Variants in TTN observed in about 807,000 individuals in gnomAD.
TTN encodes the protein connectin.
In TTN, 1,525 loss-of-function variants were observed where a neutral mutation model predicts 3,223.0. That is an observed-to-expected ratio of 0.47 (90% CI 0.45 to 0.49). TTN has a LOEUF of 0.49. Ranked by LOEUF, TTN falls within the 20% of genes least tolerant of loss-of-function variation. TTN has a pLI of 0.00. For synonymous variants in TTN, 14,094 were observed against 15,161.0 expected (o/e 0.93, Z 5.17); for missense variants, 40,786 against 43,424.0 (o/e 0.94, Z 5.40).
chr2:178,689,746 A>G (rs1188650482), intron 122 of TTN, 67 bp downstream of exon 122: 20 of 1,505,808 alleles, frequency 1.3e-5, no homozygotes, highest in Non-Finnish European at 1.6e-5. Context: ...CAATGAACAG[A>G]TAATTAAACA....
chr2:178,535,261 T>C lies in TTN; in HGVS notation c.101354A>G (p.Asp33785Gly), dbSNP rs573767187. The C allele has an allele frequency of 8.7e-6, 14 of 1,613,934 alleles. No homozygotes were observed. The highest frequency in any genetic ancestry group is 1.3e-5 in the African/African-American group (1 of 75,056). Residue 33785 changes from aspartate to glycine, a missense_variant, in exon 358 of 363, where the codon GAT (aspartate) becomes GGT (glycine). Transcript: ENST00000589042. Reference sequence around the variant, plus strand: ...ATCATAGTTCATAGCTCTGGTCTTATCTTCTTTGGTTATGGTTGGTTCTGA... The same window carrying C: ...ATCATAGTTCATAGCTCTGGTCTTACCTTCTTTGGTTATGGTTGGTTCTGA... ...EPSEPTITKE[D>G]KTRAMNYDEE...
In TTN at chr2:178,629,429, G is replaced by T; in HGVS notation, c.44296C>A (p.Leu14766Ile). The change falls in exon 240 of 363, where the codon CTT becomes ATT. Residue 14766 changes from leucine to isoleucine, a missense_variant. By Grantham distance (5) the Leu-to-Ile change is conservative (BLOSUM62 2). Coordinates refer to ENST00000589042, the MANE Select transcript of TTN (RefSeq NM_001267550.2). ...HLRVKPRVIG[L>I]LRPLKDVTVT... is the part of the protein sequence containing the mutation. ...GTGACATCCTTTAAAGGCCTCAGAAGACCAATTACTCGTGCTTTTCGAGAG... is the reference window on the plus strand; with the variant it reads ...GTGACATCCTTTAAAGGCCTCAGAATACCAATTACTCGTGCTTTTCGAGAG... 1 of 1,612,856 alleles carries T rather than the reference G, an allele frequency of 6.2e-7. No individual in the cohort carries two copies. The highest frequency in any genetic ancestry group is 8.5e-7 in the Non-Finnish European group (1 of 1,179,244).
intron 240 of TTN, among the ~76,000 whole-genome samples, chr2:178,628,110 T>C (rs2059301804): frequency 1.3e-5 from 2 of 152,056 alleles, no homozygotes; most frequent in Admixed American, 1.3e-4. Flanking sequence ...GAAGATCTTA[T>C]TATCTGTATA....
In TTN at chr2:178,619,633, G is replaced by C. The variant is rs755020461; in HGVS notation, c.46684C>G (p.Leu15562Val). The change falls in exon 250 of 363, where the codon CTT (leucine) becomes GTT (valine). Residue 15562 changes from leucine (L) to valine (V), a missense_variant. Transcript: ENST00000589042. ...TAAAGGGACTGACCTGCCAGTTCAAGCTTAGCTCTGGCTTCTTTGTCTTTG... is the reference window on the plus strand; with the variant it reads ...TAAAGGGACTGACCTGCCAGTTCAACCTTAGCTCTGGCTTCTTTGTCTTTG... ...IAKDKEARAK[L>V]ELAAAPKIKT... 8.7e-6 allele frequency: 14 copies of C among 1,611,600 alleles called. No individual in the cohort carries two copies. The highest frequency in any genetic ancestry group is 1.2e-5 in the Non-Finnish European group (14 of 1,178,664).
rs1559223940 is a variant in TTN, at chr2:178,554,008, G to A, written c.89103C>T (p.Asn29701=). 1 of 1,613,512 alleles carries A rather than the reference G, an allele frequency of 6.2e-7. No homozygotes were observed. Among genetic ancestry groups the A allele is most frequent in the Non-Finnish European group, 8.5e-7 (1 of 1,179,812 alleles). ...TRQKVTGLTE[N]SDYQYRVCAV... Reference sequence around the variant, plus strand: ...CACAAACTCTGTATTGATAGTCACTGTTTTCTGTGAGTCCTGTTACTTTTT... The same window carrying A: ...CACAAACTCTGTATTGATAGTCACTATTTTCTGTGAGTCCTGTTACTTTTT... Residue 29701 remains asparagine (N), a synonymous_variant, in exon 333 of 363, where the codon AAC becomes AAT. Transcript: ENST00000589042.
chr2:178,615,256 T>C (rs1420778609), intron 259 of TTN, 51 bp downstream of exon 259: 2 of 1,588,576 alleles, frequency 1.3e-6, no homozygotes, highest in South Asian at 1.1e-5. Context: ...ACAAAGCCCA[T>C]TTTAGTGACT....
At chr2:178,582,850 G>T (rs1314816518) in intron 313 of TTN, 90 bp downstream of exon 313, 8 of 1,132,962 alleles carry the variant, frequency 7.1e-6, no homozygotes, top group Non-Finnish European at 9.5e-6. Context: ...ATTAGAATAT[G>T]AATGTCTTCT....
At position 178,594,209 on chromosome 2, in the gene TTN, T is replaced by C; in HGVS notation, c.58184A>G (p.Lys19395Arg). ...AGCTTCACCAACTCGAATCGTGAGC[T>C]TATCTCTGAAGTCGAGGTGAAGCGT... Reference protein sequence around the residue: ...PPTLHLDFRDKLTIRVGEAFA... With the variant: ...PPTLHLDFRDRLTIRVGEAFA... Residue 19395 changes from lysine to arginine, a missense_variant, in exon 297 of 363, where the codon AAG (lysine) becomes AGG (arginine). By Grantham distance (26) the Lys-to-Arg change is conservative (BLOSUM62 2). Transcript: ENST00000589042. 11 of 1,613,352 alleles carry C rather than the reference T, an allele frequency of 6.8e-6. No individual in the cohort carries two copies. The highest frequency in any genetic ancestry group is 9.3e-6 in the Non-Finnish European group (11 of 1,179,612).
At chr2:178,585,704 G>T (rs895262570) in intron 308 of TTN, among the ~76,000 whole-genome samples, 1 of 152,080 alleles carries the variant, frequency 6.6e-6, no homozygotes, top group African/African-American at 2.4e-5. Flanking sequence ...TTGGTTTTCT[G>T]TTCTTGTGTT....
At chr2:178,700,341 A>G (rs3850166) in intron 111 of TTN, among the ~76,000 whole-genome samples, 3,210 of 152,328 alleles carry the variant, frequency 0.021, 49 homozygotes, top group Non-Finnish European at 0.037. Flanking sequence ...TTTAATGCCA[A>G]TTATAGCGGG....
At position 178,736,465 on chromosome 2, in the gene TTN, G is replaced by A. The variant is rs184845929; in HGVS notation, c.14372-391C>T. ...GTATTTGACTCTTCTGAAGAGTAGGGATATTAAGTGATAAGAAGATTGAAG... is the reference window on the plus strand; with the variant it reads ...GTATTTGACTCTTCTGAAGAGTAGGAATATTAAGTGATAAGAAGATTGAAG... On this transcript the variant is annotated intron_variant, in intron 49 of 362. Transcript: ENST00000589042. 1.1e-4 allele frequency among the ~76,000 whole-genome samples: 17 copies of A among 152,304 alleles called. No individual in the cohort carries two copies. In the East Asian group the frequency reaches 2.7e-3, roughly 24 times the overall value.
intron 90 of TTN, among the ~76,000 whole-genome samples, chr2:178,714,779 A>G (rs1228461596): frequency 6.6e-6 from 1 of 152,160 alleles, no homozygotes; most frequent in East Asian, 1.9e-4. Context: ...TCTTAATCCA[A>G]TCAAAACCTA....
rs373316165 is a variant in TTN at position 178,607,546 on chromosome 2, A to G, written c.53142T>C (p.Asp17714=). 226 of 1,613,048 alleles carry G rather than the reference A, an allele frequency of 1.4e-4. No homozygotes were observed. The highest frequency in any genetic ancestry group is 1.8e-4 in the Non-Finnish European group (213 of 1,179,364). The change falls in exon 277 of 363, where the codon GAT becomes GAC. Residue 17714 remains aspartate, a synonymous_variant. Transcript: ENST00000589042. ...CGTTGTCTATTACAACACGGTCTTT[A>G]TCCAGCTCCCCTTCTTCTTTGGTCC... ...KVWTKEEGEL[D]KDRVVIDNVG... is the part of the protein sequence containing the mutation.
chr2:178,580,970 A>G (rs2047588432), intron 316 of TTN: 1 of 200,228 alleles, frequency 5.0e-6, no homozygotes, highest in African/African-American at 2.4e-5. Context: ...ATTCTGCCAC[A>G]TATTCTAGCT....
At chr2:178,779,940 A>AT (rs2092615105) in intron 22 of TTN, 60 bp downstream of exon 22, 18 of 1,555,288 alleles carry the variant, frequency 1.2e-5, no homozygotes, top group Non-Finnish European at 1.6e-5. Flanking sequence ...AAAATATCAA[A>AT]TAAAAAAAGG....
chr2:178,804,616 C>G lies in TTN; in HGVS notation c.27G>C (p.Thr9=), dbSNP rs760305568. The change falls in exon 2 of 363, where the codon ACG becomes ACC. Residue 9 remains threonine (T), a synonymous_variant. Coordinates refer to ENST00000589042, the MANE Select transcript of TTN (RefSeq NM_001267550.2). MTTQAPTF[T]QPLQSVVVLE... The stretch of plus-strand genomic sequence containing the variant: ...GTACCACAACGCTTTGTAACGGCTG[C>G]GTAAACGTCGGTGCTTGAGTTGTCA... 1 of 1,613,836 alleles carries G rather than the reference C, an allele frequency of 6.2e-7. No homozygotes were observed. The highest frequency in any genetic ancestry group is 8.5e-7 in the Non-Finnish European group (1 of 1,179,904).
intron 349 of TTN, 30 bp from the exon 350 acceptor site, chr2:178,541,614 G>A: frequency 6.4e-7 from 1 of 1,558,698 alleles, no homozygotes. Context: ...AACACGATAT[G>A]GCAATATGAA....
rs777269400 is a variant in TTN at position 178,542,647 on chromosome 2, G to C, written c.97192+15C>G. 2 of 1,604,898 alleles carry C rather than the reference G, an allele frequency of 1.2e-6. No homozygotes were observed. The highest frequency in any genetic ancestry group is 3.3e-5 in the Admixed American group (2 of 59,754). On this transcript the variant is annotated intron_variant, in intron 348 of 362. Transcript: ENST00000589042. ...TGAACATCAACTTGCTTGTATCTTT[G>C]TCACACATCCTTACCAAGAATGATA...
rs1252010867 is a variant in TTN, at chr2:178,729,419, G to A, written c.18737C>T (p.Thr6246Ile). Reference protein sequence around the residue: ...NREIRSSKKYTLTDRVSVFNL... With the variant: ...NREIRSSKKYILTDRVSVFNL... ...AAACACAGACACTCTGTCGGTCAAT[G>A]TGTATTTTTTGCTGCTTCGAATTTC... is the stretch of plus-strand genomic sequence containing the variant. The change falls in exon 64 of 363, where the codon ACA becomes ATA. Residue 6246 changes from threonine to isoleucine, a missense_variant. Thr to Ile is a moderately conservative substitution (Grantham distance 89). Coordinates refer to ENST00000589042, the MANE Select transcript of TTN (RefSeq NM_001267550.2). The A allele has an allele frequency of 5.6e-6, 9 of 1,613,526 alleles. No homozygotes were observed. Among genetic ancestry groups the A allele is most frequent in the East Asian group, 2.2e-5 (1 of 44,868 alleles).
Sources: gnomAD v4.1 joint callset for allele counts (sites outside exome capture counted in the v4.1 genomes callset) on GRCh38, gnomAD v4.1.1 for gene constraint, MANE v1.5 for transcripts, NCBI Gene and HGNC (gene_info 2026-07-23, HGNC 2026-07-21) for gene names.